Variants in NPNT observed in about 807,000 individuals in gnomAD.
NPNT encodes the protein nephronectin.
NPNT carries 45 observed loss-of-function variants against 68.6 expected under a neutral mutation model. The observed-to-expected ratio is 0.66, with a 90% confidence interval of 0.52 to 0.84. The LOEUF is 0.84. NPNT is among the 40% of genes least tolerant of loss of function. The probability of loss-of-function intolerance (pLI) is 0.00; values close to 1 mark genes in which losing one functional copy is unlikely to be tolerated. For missense variants in NPNT, 672 were observed against 714.8 expected (o/e 0.94, Z 0.68); for synonymous variants, 233 against 253.3 (o/e 0.92, Z 0.76).
In NPNT at chr4:105,897,979, C is replaced by T. The variant is rs1248556082; in HGVS notation, c.150C>T (p.Arg50=). The stretch of plus-strand genomic sequence containing the variant: ...TTGACTGCTGCTGGGGCTGGGCTCG[C>T]CAGTCTTGGGGACAGTGTCAGCGTG... ...GRIDCCWGWA[R]QSWGQCQPVC... The change falls in exon 2 of 12, where the codon CGC becomes CGT. Residue 50 remains arginine (R), a synonymous_variant. Transcript: ENST00000379987. The T allele has an allele frequency of 6.2e-7, 1 of 1,611,544 alleles. No individual in the cohort carries two copies. Among genetic ancestry groups the T allele is most frequent in the Non-Finnish European group, 8.5e-7 (1 of 1,178,886 alleles).
At chr4:105,949,502 G>A (rs1173240175) in intron 8 of NPNT, among the ~76,000 whole-genome samples, 1 of 152,170 alleles carries the variant, frequency 6.6e-6, no homozygotes, top group African/African-American at 2.4e-5. Context: ...CAGAAAAGCA[G>A]CTATAAGTGG....
chr4:105,924,179 A>G (rs921072593), intron 2 of NPNT, among the ~76,000 whole-genome samples: 2 of 151,972 alleles, frequency 1.3e-5, no homozygotes, highest in African/African-American at 4.8e-5. Context: ...TCATCTCTCT[A>G]TCACAGCCCT....
chr4:105,932,495 A>T (rs912490378), intron 3 of NPNT: 2 of 606,720 alleles, frequency 3.3e-6, no homozygotes, highest in Non-Finnish European at 5.7e-6. Context: ...TATCTAATGC[A>T]TTCTTTTTAA....
intron 3 of NPNT, among the ~76,000 whole-genome samples, chr4:105,936,049 G>A (rs2058644848): frequency 6.6e-6 from 1 of 152,068 alleles, no homozygotes; most frequent in Admixed American, 6.6e-5. Flanking sequence ...ATATATTTTG[G>A]GCATTACTAT....
intron 2 of NPNT, among the ~76,000 whole-genome samples, chr4:105,898,358 C>G (rs1006549618): frequency 7.0e-6 from 1 of 143,600 alleles, no homozygotes; most frequent in Non-Finnish European, 1.5e-5. Context: ...CTCTCTCTCT[C>G]TCTCTCTCTC....
At chr4:105,946,887 G>T (rs903777768) in intron 8 of NPNT, among the ~76,000 whole-genome samples, 1 of 152,128 alleles carries the variant, frequency 6.6e-6, no homozygotes, top group African/African-American at 2.4e-5. Context: ...CGAGAGCAGA[G>T]AACTGGTCTG....
At chr4:105,958,604 C>A in intron 9 of NPNT, 47 bp downstream of exon 9, 1 of 1,077,650 alleles carries the variant, frequency 9.3e-7, no homozygotes, top group Non-Finnish European at 1.4e-6. Context: ...TTTATTGTTT[C>A]TCTCCATGAA....
Position 105,942,562 on chromosome 4 carries a change from C to G in NPNT, c.1019C>G (p.Thr340Arg). ...CCACCCCTGCCAACAGAGCTCAGAA[C>G]ACCTCTACCACCTACAACCCCAGAA... is the stretch of plus-strand genomic sequence containing the variant. ...PPPPLPTELR[T>R]PLPPTTPERP... Residue 340 changes from threonine to arginine, a missense_variant, in exon 8 of 12, where the codon ACA becomes AGA. Physicochemically the swap from Thr to Arg is moderately conservative, Grantham distance 71 (BLOSUM62 -1). Coordinates refer to ENST00000379987, the MANE Select transcript of NPNT (RefSeq NM_001033047.3). The G allele has an allele frequency of 6.2e-7, 1 of 1,614,032 alleles. No homozygotes were observed. The highest frequency in any genetic ancestry group is 1.1e-5 in the South Asian group (1 of 91,078).
chr4:105,952,237 A>G (rs1395221563), intron 8 of NPNT, among the ~76,000 whole-genome samples: 1 of 152,232 alleles, frequency 6.6e-6, no homozygotes, highest in Non-Finnish European at 1.5e-5. Flanking sequence ...TTAACTAACT[A>G]GATCCTTTTG....
In NPNT at chr4:105,895,600, C is replaced by T; in HGVS notation, c.-53C>T. ...GCGCCTCCCATCGGCGCCCACCACC[C>T]CAACCTGTTCCTCGCGCGCCACTGC... On this transcript the variant is annotated 5_prime_UTR_variant, in exon 1 of 12. Coordinates refer to ENST00000379987, the MANE Select transcript of NPNT (RefSeq NM_001033047.3). 2 of 1,493,080 alleles carry T rather than the reference C, an allele frequency of 1.3e-6. No homozygotes were observed. The highest frequency in any genetic ancestry group is 1.8e-6 in the Non-Finnish European group (2 of 1,097,244). The allele number at this position is 1,493,080 out of a possible 1,614,324, so 92.5% of individuals were successfully genotyped here.
At chr4:105,929,820 T>G (rs1728972469) in intron 3 of NPNT, among the ~76,000 whole-genome samples, 1 of 152,186 alleles carries the variant, frequency 6.6e-6, no homozygotes, top group African/African-American at 2.4e-5. Context: ...TTTAAAGACA[T>G]GCTAAAAGTA....
At chr4:105,951,661 G>A (rs1012584272) in intron 8 of NPNT, among the ~76,000 whole-genome samples, 3 of 152,134 alleles carry the variant, frequency 2.0e-5, no homozygotes, top group East Asian at 1.9e-4. Flanking sequence ...TTGAAGGAGC[G>A]AATTGTCACT....
chr4:105,952,494 G>C (rs188041141), intron 8 of NPNT, among the ~76,000 whole-genome samples: 3 of 152,248 alleles, frequency 2.0e-5, no homozygotes, highest in Non-Finnish European at 4.4e-5. Context: ...TTACATGATT[G>C]ATCTGATGAG....
chr4:105,921,665 T>C (rs1404906343), intron 2 of NPNT, among the ~76,000 whole-genome samples: 1 of 152,184 alleles, frequency 6.6e-6, no homozygotes, highest in Admixed American at 6.6e-5. Flanking sequence ...CTAGGTTTTG[T>C]TCTGCTCATG....
intron 2 of NPNT, among the ~76,000 whole-genome samples, chr4:105,902,282 T>C (rs1578572407): frequency 1.3e-5 from 2 of 152,376 alleles, no homozygotes; most frequent in East Asian, 3.9e-4. Context: ...AGAGAGGTTA[T>C]ACTAGTAAAT....
chr4:105,961,772 C>T (rs1047477285), intron 10 of NPNT, among the ~76,000 whole-genome samples: 10 of 152,116 alleles, frequency 6.6e-5, no homozygotes, highest in East Asian at 3.9e-4. Context: ...TGATTGGCTA[C>T]GGTCCCTGGA....
intron 2 of NPNT, among the ~76,000 whole-genome samples, chr4:105,925,574 G>A (rs1399799099): frequency 6.6e-6 from 1 of 152,142 alleles, no homozygotes; most frequent in Non-Finnish European, 1.5e-5. Context: ...GAAACTGGGA[G>A]CATAGAGCAT....
intron 6 of NPNT, 98 bp downstream of exon 6, chr4:105,940,307 G>T: frequency 1.6e-6 from 2 of 1,278,164 alleles, no homozygotes; most frequent in Non-Finnish European, 2.2e-6. Context: ...GCAGGGGAGA[G>T]TACTGGCGTT....
chr4:105,925,134 C>CT (rs1184852935), intron 2 of NPNT, among the ~76,000 whole-genome samples: 2 of 152,072 alleles, frequency 1.3e-5, no homozygotes, highest in African/African-American at 4.8e-5. Context: ...AACCATCCGC[C>CT]TAGTGTACAG....
Sources: gnomAD v4.1 joint callset for allele counts (sites outside exome capture counted in the v4.1 genomes callset) on GRCh38, gnomAD v4.1.1 for gene constraint, MANE v1.5 for transcripts, NCBI Gene and HGNC (gene_info 2026-07-23, HGNC 2026-07-21) for gene names.